Variants in CMIP observed in about 807,000 individuals in gnomAD.
CMIP encodes the protein C-Maf-inducing protein.
A neutral mutation model predicts 97.3 loss-of-function variants in CMIP; 13 were observed. The observed-to-expected ratio is 0.13, with a 90% CI of 0.09 to 0.21. CMIP has a LOEUF of 0.21. CMIP is among the 10% of genes least tolerant of loss of function. The pLI, the probability that CMIP is intolerant of heterozygous loss-of-function variation, is 1.00. For synonymous variants in CMIP, 538 were observed against 436.3 expected, an observed-to-expected ratio of 1.23 and a Z score of -2.91; for missense variants, 847 against 1,024.9, an observed-to-expected ratio of 0.83 and a Z score of 2.37.
At chr16:81,592,496 G>C (rs2091480998) in intron 1 of CMIP, among the ~76,000 whole-genome samples, 1 of 152,190 alleles carries the variant, frequency 6.6e-6, no homozygotes, top group East Asian at 1.9e-4. Context: ...CTTGCCCTTT[G>C]TACCGGACCC....
intron 6 of CMIP, 82 bp from the exon 7 acceptor site, chr16:81,664,187 T>G: frequency 7.5e-7 from 1 of 1,340,764 alleles, no homozygotes; most frequent in South Asian, 1.4e-5. Flanking sequence ...CTGGGCTGAC[T>G]GTCCCCAGCC....
At chr16:81,523,784 G>C (rs1390736322) in intron 1 of CMIP, among the ~76,000 whole-genome samples, 1 of 152,226 alleles carries the variant, frequency 6.6e-6, no homozygotes. Context: ...AAGGTGAGCT[G>C]AGTCACCACC....
At chr16:81,573,686 G>T (rs934546993) in intron 1 of CMIP, among the ~76,000 whole-genome samples, 6 of 152,212 alleles carry the variant, frequency 3.9e-5, no homozygotes, top group African/African-American at 1.2e-4. Context: ...TAGCATCAGG[G>T]TGTTGCTGAG....
intron 2 of CMIP, among the ~76,000 whole-genome samples, chr16:81,609,419 A>G (rs1386580585): frequency 6.6e-6 from 1 of 152,162 alleles, no homozygotes; most frequent in Admixed American, 6.5e-5. Flanking sequence ...TCAGTGGCCA[A>G]CGGAGAGGTA....
At chr16:81,558,467 G>A (rs2090812438) in intron 1 of CMIP, among the ~76,000 whole-genome samples, 1 of 152,184 alleles carries the variant, frequency 6.6e-6, no homozygotes, top group Non-Finnish European at 1.5e-5. Context: ...TTTCCATAGT[G>A]GCTGCCACAT....
chr16:81,559,369 A>G (rs1438202187), intron 1 of CMIP, among the ~76,000 whole-genome samples: 1 of 152,204 alleles, frequency 6.6e-6, no homozygotes, highest in African/African-American at 2.4e-5. Context: ...CTCTTTATTG[A>G]AAGCCTCTTG....
chr16:81,600,819 T>G (rs987731811), intron 1 of CMIP, among the ~76,000 whole-genome samples: 1 of 152,210 alleles, frequency 6.6e-6, no homozygotes, highest in African/African-American at 2.4e-5. Flanking sequence ...CGCAAGCCAC[T>G]TTGAGCACCA....
At chr16:81,452,885 GTTTTT>G (rs558606255) in intron 1 of CMIP, among the ~76,000 whole-genome samples, 23 of 129,232 alleles carry the variant, frequency 1.8e-4, no homozygotes, top group Non-Finnish European at 3.1e-4. Flanking sequence ...TTTTTGTTTT[GTTTTT>G]TTTTTTTTTT....
intron 7 of CMIP, chr16:81,664,718 G>A: frequency 6.8e-6 from 3 of 442,542 alleles, no homozygotes; most frequent in Non-Finnish European, 1.2e-5. Flanking sequence ...TCCTTCCAGA[G>A]AGCACTGTAT....
intron 1 of CMIP, among the ~76,000 whole-genome samples, chr16:81,467,144 T>C (rs1175978488): frequency 6.6e-6 from 1 of 152,200 alleles, no homozygotes; most frequent in African/African-American, 2.4e-5. Context: ...GGCGAGGTTG[T>C]GTGATGTGGG....
chr16:81,671,648 T>C (rs1363487040), intron 8 of CMIP, among the ~76,000 whole-genome samples: 1 of 152,218 alleles, frequency 6.6e-6, no homozygotes, highest in Non-Finnish European at 1.5e-5. Context: ...AGGAGGGGGC[T>C]GCTATCCTCA....
At chr16:81,642,905 A>AG (rs145534433) in intron 3 of CMIP, among the ~76,000 whole-genome samples, 11,908 of 152,186 alleles carry the variant, frequency 0.078, 958 homozygotes, top group East Asian at 0.28. Flanking sequence ...CGCAAAAAAA[A>AG]GAAAGAAAGA....
At chr16:81,504,605 C>T (rs902056628) in intron 1 of CMIP, among the ~76,000 whole-genome samples, 3 of 140,226 alleles carry the variant, frequency 2.1e-5, no homozygotes, top group Non-Finnish European at 3.0e-5. Context: ...ATTGTGCCAT[C>T]GCACTCCAGC....
At chr16:81,510,708 CTTTAT>C (rs1448082665) in intron 1 of CMIP, among the ~76,000 whole-genome samples, 3 of 151,986 alleles carry the variant, frequency 2.0e-5, no homozygotes, top group African/African-American at 7.3e-5. Flanking sequence ...AATCACAAAC[CTTTAT>C]TTTGTTTTGT....
intron 1 of CMIP, among the ~76,000 whole-genome samples, chr16:81,516,414 G>T (rs1262952381): frequency 6.6e-6 from 1 of 152,220 alleles, no homozygotes; most frequent in Non-Finnish European, 1.5e-5. Flanking sequence ...TCCTAAAGGA[G>T]CTCTACTTCG....
intron 10 of CMIP, among the ~76,000 whole-genome samples, chr16:81,688,380 C>G (rs977063674): frequency 2.6e-5 from 4 of 152,228 alleles, no homozygotes; most frequent in African/African-American, 9.6e-5. Context: ...TTGCTAAGAT[C>G]ACAGCCGTGG....
intron 1 of CMIP, among the ~76,000 whole-genome samples, chr16:81,526,943 T>A (rs1484850530): frequency 2.0e-5 from 3 of 152,200 alleles, no homozygotes; most frequent in Non-Finnish European, 4.4e-5. Context: ...TTGGATGGCT[T>A]TGGACATGTT....
intron 1 of CMIP, among the ~76,000 whole-genome samples, chr16:81,499,361 A>G (rs1474796456): frequency 2.6e-5 from 4 of 152,194 alleles, no homozygotes; most frequent in African/African-American, 7.2e-5. Flanking sequence ...ACCCATGTAC[A>G]CATGTGCCCC....
At chr16:81,662,075 G>C (rs71400168) in intron 6 of CMIP, among the ~76,000 whole-genome samples, 10,413 of 152,188 alleles carry the variant, frequency 0.068, 480 homozygotes, top group Non-Finnish European at 0.1. Flanking sequence ...GTCTGCCTCC[G>C]GGACTCATGG....
Sources: allele counts gnomAD v4.1 joint callset (sites outside exome capture counted in the v4.1 genomes callset), GRCh38; gene constraint gnomAD v4.1.1; transcripts MANE v1.5; gene names NCBI Gene and HGNC (gene_info 2026-07-23, HGNC 2026-07-21).